The following PLXNC1 variants were observed in gnomAD, a reference collection of about 807,000 sequenced individuals.
PLXNC1 encodes the protein plexin C1, also known as plexin-C1.
Under a neutral mutation model 178.2 loss-of-function variants are expected in PLXNC1, and 75 were observed. That is an observed-to-expected ratio of 0.42 (90% CI 0.35 to 0.51). The LOEUF (loss-of-function observed/expected upper bound fraction) is 0.51. Ranked by LOEUF, PLXNC1 falls within the 20% of genes least tolerant of loss-of-function variation. PLXNC1 has a pLI of 0.02. For missense variants in PLXNC1, 1,503 were observed against 1,984.4 expected, an observed-to-expected ratio of 0.76 and a Z score of 4.61; for synonymous variants, 790 against 779.9, an observed-to-expected ratio of 1.01 and a Z score of -0.22.
At chr12:94,186,294 C>A in intron 3 of PLXNC1, 79 bp from the exon 4 acceptor site, 1 of 990,304 alleles carries the variant, frequency 1.0e-6, no homozygotes, top group Non-Finnish European at 1.6e-6. Flanking sequence ...CTCTTTTTGG[C>A]CCTTCATTAG....
chr12:94,173,426 G>A (rs1366130149), intron 2 of PLXNC1, among the ~76,000 whole-genome samples: 2 of 152,176 alleles, frequency 1.3e-5, no homozygotes, highest in Non-Finnish European at 2.9e-5. Context: ...TAACCTTCGT[G>A]TAAGCATAAA....
At position 94,186,433 on chromosome 12, in the gene PLXNC1, G is replaced by A; in HGVS notation, c.1399G>A (p.Ala467Thr). ...TAAATCCTGTTCGGAGTGTTTAACA[G>A]CCACAGACCCTCACTGCGGTTGGTG... is the stretch of plus-strand genomic sequence containing the variant. ...KHKSCSECLT[A>T]TDPHCGWCHS... is the part of the protein sequence containing the mutation. The change falls in exon 4 of 31, where the codon GCC (alanine) becomes ACC (threonine). Residue 467 changes from alanine to threonine, a missense_variant. Physicochemically the swap from Ala to Thr is moderately conservative, Grantham distance 58 (BLOSUM62 0). This residue lies in a region of PLXNC1 where 615 missense variants were observed against 698.6 expected (regional missense o/e 0.88). Transcript: ENST00000258526. 6.2e-7 allele frequency: 1 copy of A among 1,613,836 alleles called. No individual in the cohort carries two copies. The highest frequency in any genetic ancestry group is 1.7e-5 in the Admixed American group (1 of 60,026).
intron 23 of PLXNC1, 31 bp from the exon 24 acceptor site, chr12:94,294,455 A>C (rs1967698671): frequency 3.1e-6 from 3 of 974,248 alleles, no homozygotes; most frequent in Non-Finnish European, 4.8e-6. Context: ...TAAATTTTGA[A>C]CACTCATATA....
intron 2 of PLXNC1, among the ~76,000 whole-genome samples, chr12:94,171,990 T>C (rs986651535): frequency 3.3e-5 from 5 of 152,154 alleles, no homozygotes; most frequent in African/African-American, 1.2e-4. Context: ...GCCCCTGAAT[T>C]TACCCAGAAT....
intron 1 of PLXNC1, among the ~76,000 whole-genome samples, chr12:94,164,661 GCACACA>G (rs3060912): frequency 0.048 from 7,085 of 148,716 alleles, 201 homozygotes; most frequent in East Asian, 0.065. Context: ...ATGACTCCCT[GCACACA>G]CACACACACA....
intron 15 of PLXNC1, among the ~76,000 whole-genome samples, chr12:94,253,063 T>A (rs1273898808): frequency 6.6e-6 from 1 of 151,692 alleles, no homozygotes; most frequent in Non-Finnish European, 1.5e-5. Context: ...ATACAAAAAT[T>A]AGCTGAGTGT....
intron 4 of PLXNC1, among the ~76,000 whole-genome samples, chr12:94,193,395 A>G (rs936013974): frequency 3.3e-5 from 5 of 152,196 alleles, no homozygotes; most frequent in African/African-American, 1.2e-4. Context: ...GGTGGATTAG[A>G]GAGCTATTTA....
At chr12:94,298,246 C>T (rs189166649) in intron 26 of PLXNC1, among the ~76,000 whole-genome samples, 291 of 152,322 alleles carry the variant, frequency 1.9e-3, no homozygotes, top group African/African-American at 6.8e-3. Flanking sequence ...AGGAAAAATT[C>T]TGGGAACAGA....
At chr12:94,194,245 AC>A (rs1274741013) in intron 4 of PLXNC1, among the ~76,000 whole-genome samples, 1 of 152,034 alleles carries the variant, frequency 6.6e-6, no homozygotes, top group Non-Finnish European at 1.5e-5. Context: ...TGAAGGACCC[AC>A]CCCCATGATC....
In PLXNC1 at chr12:94,240,579, G is replaced by C. The variant is rs746188376; in HGVS notation, c.2215G>C (p.Gly739Arg). ...GAAGGATGTGTGTATCCAGTTTGAT[G>C]GTGGGAACTGCTCTTCTGTGGGATC... ...EMKDVCIQFD[G>R]GNCSSVGSLS... The change falls in exon 11 of 31, where the codon GGT becomes CGT. Residue 739 changes from glycine to arginine, a missense_variant. Gly to Arg is a moderately radical substitution (Grantham distance 125). This residue lies in a region of PLXNC1 where 615 missense variants were observed against 698.6 expected (regional missense o/e 0.88). Transcript: ENST00000258526. 1 of 1,613,840 alleles carries C rather than the reference G, an allele frequency of 6.2e-7. No individual in the cohort carries two copies. Among genetic ancestry groups the C allele is most frequent in the South Asian group, 1.1e-5 (1 of 91,074 alleles).
At position 94,282,280 on chromosome 12, in the gene PLXNC1, C is replaced by CA; in HGVS notation, c.3776-14dup. ...CATTTTAAAACTCTCTAAAAAGGAA[C>CA]AAAATGCTCTTTTTCAGAGCTTCAA... On this transcript the variant is annotated splice_polypyrimidine_tract_variant and intron_variant, in intron 22 of 30. Coordinates refer to ENST00000258526, the MANE Select transcript of PLXNC1 (RefSeq NM_005761.3). The CA allele has an allele frequency of 1.3e-6, 2 of 1,573,486 alleles. No individual in the cohort carries two copies. The highest frequency in any genetic ancestry group is 2.7e-5 in the African/African-American group (2 of 74,056).
At chr12:94,297,451 A>T (rs1565871742) in intron 26 of PLXNC1, 28 bp downstream of exon 26, 2 of 1,456,570 alleles carry the variant, frequency 1.4e-6, no homozygotes, top group Non-Finnish European at 1.9e-6. Context: ...GGAGCACTTT[A>T]TGGCTACCTA....
chr12:94,218,224 T>G (rs1474643321), intron 5 of PLXNC1, among the ~76,000 whole-genome samples: 2 of 152,134 alleles, frequency 1.3e-5, no homozygotes, highest in African/African-American at 4.8e-5. Context: ...TAAAGATAAT[T>G]GAACTCCAGT....
At chr12:94,263,785 CAAG>C (rs1965073124) in intron 20 of PLXNC1, among the ~76,000 whole-genome samples, 1 of 152,122 alleles carries the variant, frequency 6.6e-6, no homozygotes, top group African/African-American at 2.4e-5. Context: ...AGAGGAGACT[CAAG>C]GAGGTATCAC....
At chr12:94,275,573 G>T (rs1015333023) in intron 21 of PLXNC1, among the ~76,000 whole-genome samples, 6 of 94,696 alleles carry the variant, frequency 6.3e-5, no homozygotes, top group Non-Finnish European at 1.3e-4. Flanking sequence ...CTGCTGTTTG[G>T]CCGGGCGCGG....
Position 94,233,689 on chromosome 12 carries a change from A to C in PLXNC1, c.1981-3975A>C, listed in dbSNP as rs150729316. On this transcript the variant is annotated intron_variant, in intron 9 of 30. Coordinates refer to ENST00000258526, the MANE Select transcript of PLXNC1 (RefSeq NM_005761.3). ...TACCGAGGGGCCCCCGTGAAAAGGCATTTGTCCCAGGGGCTAAGCATCAAA... is the reference window on the plus strand; with the variant it reads ...TACCGAGGGGCCCCCGTGAAAAGGCCTTTGTCCCAGGGGCTAAGCATCAAA... Among the ~76,000 whole-genome samples the C allele has an allele frequency of 1.6e-3, 237 of 152,270 alleles. 1 individual carries two copies. Among genetic ancestry groups the C allele is most frequent in the African/African-American group, 4.2e-3 (173 of 41,554 alleles).
chr12:94,227,585 G>A (rs1369724891), intron 9 of PLXNC1: 1 of 230,530 alleles, frequency 4.3e-6, no homozygotes, highest in African/African-American at 2.3e-5. Flanking sequence ...GCGTTTCTGG[G>A]GGTTATGTGT....
At position 94,220,030 on chromosome 12, in the gene PLXNC1, G is replaced by A; in HGVS notation, c.1569G>A (p.Met523Ile). 6.2e-7 allele frequency: 1 copy of A among 1,613,790 alleles called. No individual in the cohort carries two copies. Among genetic ancestry groups the A allele is most frequent in the Non-Finnish European group, 8.5e-7 (1 of 1,179,840 alleles). The part of the protein sequence containing the change: ...RSSKEKTTVT[M>I]VGSFSPRHSK... ...TCCCCGCACAGACTACAGTGACTAT[G>A]GTGGGAAGCTTCTCTCCAAGACACT... The change falls in exon 6 of 31, where the codon ATG (methionine) becomes ATA (isoleucine). Residue 523 changes from methionine (M) to isoleucine (I), a missense_variant. Met to Ile is a conservative substitution (Grantham distance 10). Around this residue, in one of 4 missense-constraint regions of PLXNC1, gnomAD observed 615 missense variants for 698.6 expected, o/e 0.88. Transcript: ENST00000258526.
At chr12:94,245,381 A>G (rs558671086) in intron 12 of PLXNC1, among the ~76,000 whole-genome samples, 14 of 152,204 alleles carry the variant, frequency 9.2e-5, no homozygotes, top group Non-Finnish European at 1.2e-4. Flanking sequence ...GCAAATCTAC[A>G]TTGGGATTGA....
Sources: allele counts gnomAD v4.1 joint callset (sites outside exome capture counted in the v4.1 genomes callset), GRCh38; gene constraint gnomAD v4.1.1; regional missense constraint gnomAD v4.1.1; transcripts MANE v1.5; gene names NCBI Gene and HGNC (gene_info 2026-07-23, HGNC 2026-07-21).